QTMAN: variants seen among roughly 807,000 people sequenced by gnomAD.
QTMAN encodes tRNA-queuosine alpha-mannosyltransferase.
At chr2:144,304,609 A>G in the QTMAN span, among the ~76,000 whole-genome samples, 1 of 152,238 alleles carries the variant, frequency 6.6e-6, no homozygotes, top group Non-Finnish European at 1.5e-5. Flanking sequence ...TTGACAATGT[A>G]TTTAATAATT....
the QTMAN span, among the ~76,000 whole-genome samples, chr2:144,332,226 G>A: frequency 6.6e-6 from 1 of 151,716 alleles, no homozygotes. Context: ...CGCAGGGAGC[G>A]CAGCGCGTGC....
the QTMAN span, among the ~76,000 whole-genome samples, chr2:143,993,485 G>T: frequency 1.6e-3 from 248 of 152,140 alleles, no homozygotes; most frequent in African/African-American, 5.7e-3. Flanking sequence ...ATCTGGGTGG[G>T]CCCTCAATCC....
At chr2:144,270,739 G>C in the QTMAN span, among the ~76,000 whole-genome samples, 1 of 152,052 alleles carries the variant, frequency 6.6e-6, no homozygotes, top group African/African-American at 2.4e-5. Context: ...GGTTGATATA[G>C]GGCAACAAAC....
chr2:144,183,207 A>G, the QTMAN span, among the ~76,000 whole-genome samples: 1 of 152,050 alleles, frequency 6.6e-6, no homozygotes, highest in East Asian at 1.9e-4. Flanking sequence ...CAGAATAAAT[A>G]CACTATGTTT....
the QTMAN span, among the ~76,000 whole-genome samples, chr2:144,082,111 T>G: frequency 2.0e-5 from 3 of 152,146 alleles, no homozygotes; most frequent in African/African-American, 7.2e-5. Flanking sequence ...GGGCTGGTCT[T>G]GAACTCCTGG....
chr2:144,270,043 T>A, the QTMAN span, among the ~76,000 whole-genome samples: 2 of 152,236 alleles, frequency 1.3e-5, no homozygotes, highest in East Asian at 3.8e-4. Flanking sequence ...TTTTTTAATA[T>A]TATAATACCA....
the QTMAN span, among the ~76,000 whole-genome samples, chr2:143,975,663 C>T: frequency 6.6e-6 from 1 of 152,138 alleles, no homozygotes. Context: ...CACTTTCAGA[C>T]GAAAGTATCT....
the QTMAN span, among the ~76,000 whole-genome samples, chr2:144,133,827 A>G: frequency 6.6e-6 from 1 of 151,800 alleles, no homozygotes; most frequent in African/African-American, 2.4e-5. Flanking sequence ...AAGAGCCAAA[A>G]TAATTGTTAG....
chr2:144,275,383 C>CA, the QTMAN span, among the ~76,000 whole-genome samples: 652 of 86,842 alleles, frequency 7.5e-3, 5 homozygotes, highest in African/African-American at 0.019. Context: ...GACTAGGTCT[C>CA]AAAAAAAAAA....
chr2:144,064,209 G>A, the QTMAN span, among the ~76,000 whole-genome samples: 1 of 152,208 alleles, frequency 6.6e-6, no homozygotes, highest in African/African-American at 2.4e-5. Context: ...TTTTATAGAA[G>A]AAAGAATAAA....
chr2:144,264,893 G>A, the QTMAN span, among the ~76,000 whole-genome samples: 6 of 152,182 alleles, frequency 3.9e-5, no homozygotes, highest in Non-Finnish European at 8.8e-5. Flanking sequence ...ATCTTGCCAG[G>A]AGAGAAGGAG....
At chr2:144,144,186 G>A in the QTMAN span, among the ~76,000 whole-genome samples, 1 of 151,984 alleles carries the variant, frequency 6.6e-6, no homozygotes, top group African/African-American at 2.4e-5. Context: ...AGGAGGAATC[G>A]AGAGCTGAAT....
the QTMAN span, among the ~76,000 whole-genome samples, chr2:144,000,122 C>A: frequency 1.5e-4 from 23 of 151,994 alleles, no homozygotes; most frequent in Non-Finnish European, 3.4e-4. Context: ...CTTTCTTTGG[C>A]CATGGATTTC....
At chr2:144,235,662 T>C in the QTMAN span, 3 of 152,556 alleles carry the variant, frequency 2.0e-5, no homozygotes, top group South Asian at 6.2e-4. Flanking sequence ...AAAAATGAAG[T>C]CCCATCTGCT....
At chr2:144,220,461 T>C in the QTMAN span, among the ~76,000 whole-genome samples, 1 of 152,230 alleles carries the variant, frequency 6.6e-6, no homozygotes, top group African/African-American at 2.4e-5. Flanking sequence ...TTTAGTGGCC[T>C]TGCCTATCTC....
chr2:144,066,789 C>A, the QTMAN span, among the ~76,000 whole-genome samples: 1 of 152,204 alleles, frequency 6.6e-6, no homozygotes, highest in African/African-American at 2.4e-5. Flanking sequence ...GCACTCCAGC[C>A]TAGGTGACTG....
At chr2:144,280,961 GGTTT>G in the QTMAN span, among the ~76,000 whole-genome samples, 12 of 151,678 alleles carry the variant, frequency 7.9e-5, no homozygotes, top group South Asian at 2.5e-3. Flanking sequence ...ACAACGTGCA[GGTTT>G]GTTACATACG....
At chr2:144,283,890 C>G in the QTMAN span, among the ~76,000 whole-genome samples, 3 of 151,882 alleles carry the variant, frequency 2.0e-5, no homozygotes, top group African/African-American at 4.8e-5. Context: ...AAATTTTAAA[C>G]TGTTTATAAA....
the QTMAN span, among the ~76,000 whole-genome samples, chr2:144,269,735 A>G: frequency 2.0e-5 from 3 of 152,146 alleles, no homozygotes; most frequent in Non-Finnish European, 4.4e-5. Context: ...GAAGGAAAGA[A>G]CACTAAACTA....
Sources: allele counts gnomAD v4.1 joint callset (sites outside exome capture counted in the v4.1 genomes callset), GRCh38; gene constraint gnomAD v4.1.1; transcripts MANE v1.5; gene names NCBI Gene and HGNC (gene_info 2026-07-23, HGNC 2026-07-21).